TLE4: variants seen among roughly 807,000 people sequenced by gnomAD.
TLE4 encodes transducin-like enhancer protein 4.
Under a neutral mutation model 92.8 loss-of-function variants are expected in TLE4, and 8 were observed. That is an observed-to-expected ratio of 0.09 (90% CI 0.05 to 0.16). The LOEUF is 0.16. Among genes scored for constraint, TLE4 ranks in the 10% least tolerant of loss-of-function variants. The probability of loss-of-function intolerance (pLI) is 1.00; values close to 1 mark genes in which losing one functional copy is unlikely to be tolerated. For missense variants in TLE4, 675 were observed against 997.6 expected, an observed-to-expected ratio of 0.68 and a Z score of 4.36; for synonymous variants, 371 against 374.1, an observed-to-expected ratio of 0.99 and a Z score of 0.10.
chr9:79,616,653 G>A (rs2049693807), intron 5 of TLE4, among the ~76,000 whole-genome samples: 1 of 152,196 alleles, frequency 6.6e-6, no homozygotes, highest in South Asian at 2.1e-4. Flanking sequence ...TTTGGGATAT[G>A]GCTTATAGAC....
At chr9:79,627,518 A>C in intron 6 of TLE4, 70 bp downstream of exon 6, 1 of 1,511,384 alleles carries the variant, frequency 6.6e-7, no homozygotes. Flanking sequence ...CTCTTTTTAC[A>C]TTTTGTTCCG....
intron 17 of TLE4, 71 bp downstream of exon 17, chr9:79,721,959 A>G (rs2075715159): frequency 7.7e-6 from 12 of 1,550,280 alleles, no homozygotes; most frequent in Middle Eastern, 1.7e-4. Context: ...CAGGTCAGGG[A>G]ATCGAGACCA....
chr9:79,719,971 A>T, intron 15 of TLE4, 75 bp from the exon 16 acceptor site: 1 of 1,522,066 alleles, frequency 6.6e-7, no homozygotes, highest in Non-Finnish European at 8.9e-7. Context: ...CAATACTTTT[A>T]TGGATTTCTG....
chr9:79,707,970 T>TA (rs1333392503), intron 11 of TLE4, 148 bp from the exon 12 acceptor site: 11 of 788,086 alleles, frequency 1.4e-5, no homozygotes, highest in Non-Finnish European at 2.2e-5. Context: ...GTTTCTTTGT[T>TA]AACTTTTCTA....
chr9:79,659,740 G>C (rs539127289), intron 8 of TLE4, among the ~76,000 whole-genome samples: 40 of 150,524 alleles, frequency 2.7e-4, no homozygotes, highest in Non-Finnish European at 2.8e-4. Context: ...ACTTTACTTA[G>C]TTAGGGCATG....
At chr9:79,672,926 T>A (rs1405851653) in intron 8 of TLE4, among the ~76,000 whole-genome samples, 8 of 152,124 alleles carry the variant, frequency 5.3e-5, no homozygotes, top group Non-Finnish European at 1.2e-4. Flanking sequence ...CAAGTGCAAG[T>A]GAGGGCAGGT....
intron 8 of TLE4, among the ~76,000 whole-genome samples, chr9:79,669,038 C>G (rs1233323552): frequency 2.6e-5 from 4 of 152,088 alleles, no homozygotes. Context: ...TTAGGCTTCC[C>G]CAGGCTTCAT....
At chr9:79,609,762 A>G (rs1433003280) in intron 4 of TLE4, among the ~76,000 whole-genome samples, 2 of 152,058 alleles carry the variant, frequency 1.3e-5, no homozygotes, top group African/African-American at 2.4e-5. Context: ...CCTAACAGCA[A>G]TATTTCAGAA....
chr9:79,649,465 G>A (rs148024718), intron 6 of TLE4: 84 of 172,066 alleles, frequency 4.9e-4, no homozygotes, highest in Middle Eastern at 2.9e-3. Flanking sequence ...ACTGCCTCAA[G>A]TTCTTTTGAC....
intron 8 of TLE4, among the ~76,000 whole-genome samples, chr9:79,662,279 T>C (rs1399727430): frequency 1.3e-5 from 2 of 152,224 alleles, no homozygotes. Flanking sequence ...TTTAAATTGC[T>C]ACTTTTCAAG....
At chr9:79,594,675 A>G (rs963744159) in intron 4 of TLE4, among the ~76,000 whole-genome samples, 1 of 151,028 alleles carries the variant, frequency 6.6e-6, no homozygotes, top group African/African-American at 2.4e-5. Flanking sequence ...TTCTTCGTTC[A>G]CTCCACTCCG....
intron 8 of TLE4, among the ~76,000 whole-genome samples, chr9:79,660,076 G>A (rs537095051): frequency 6.6e-6 from 1 of 152,308 alleles, no homozygotes; most frequent in South Asian, 2.1e-4. Context: ...TTTTCCTGGT[G>A]TAATTCACCA....
chr9:79,691,266 TG>T (rs1160279722), intron 8 of TLE4, among the ~76,000 whole-genome samples: 7 of 152,090 alleles, frequency 4.6e-5, no homozygotes, highest in Non-Finnish European at 8.8e-5. Flanking sequence ...GCACCAAAAG[TG>T]GTAAAAACTC....
At chr9:79,639,489 A>G (rs1473378411) in intron 6 of TLE4, among the ~76,000 whole-genome samples, 1 of 152,158 alleles carries the variant, frequency 6.6e-6, no homozygotes, top group Non-Finnish European at 1.5e-5. Context: ...AGCAGTGTAG[A>G]GTAATTATAA....
At position 79,578,054 on chromosome 9, in the gene TLE4, A is replaced by G. The variant is rs114586764; in HGVS notation, c.252+1877A>G. 2.9e-3 allele frequency among the ~76,000 whole-genome samples: 444 copies of G among 152,304 alleles called. 2 individuals are homozygous for G. Among genetic ancestry groups the G allele is most frequent in the African/African-American group, 0.01 (420 of 41,570 alleles). ...CAGTTTATCACATTATGAAATACAGACAGCCCTGCAAACCACCTACTTATT... is the reference window on the plus strand; with the variant it reads ...CAGTTTATCACATTATGAAATACAGGCAGCCCTGCAAACCACCTACTTATT... On this transcript the variant is annotated intron_variant, in intron 4 of 19. Coordinates refer to ENST00000376552, the MANE Select transcript of TLE4 (RefSeq NM_007005.6).
chr9:79,611,735 A>G (rs916296040), intron 4 of TLE4, among the ~76,000 whole-genome samples: 2 of 152,008 alleles, frequency 1.3e-5, no homozygotes, highest in African/African-American at 4.8e-5. Flanking sequence ...TACATCACAA[A>G]ATATACAAGG....
At chr9:79,621,610 A>G (rs2051000396) in intron 5 of TLE4, among the ~76,000 whole-genome samples, 3 of 151,996 alleles carry the variant, frequency 2.0e-5, no homozygotes, top group South Asian at 2.1e-4. Context: ...GACAGAGGAG[A>G]TTGATTCATT....
chr9:79,654,601 A>C (rs1333078314), intron 8 of TLE4, among the ~76,000 whole-genome samples: 1 of 151,980 alleles, frequency 6.6e-6, no homozygotes, highest in African/African-American at 2.4e-5. Context: ...TGGTATAACA[A>C]GTTAATTCTC....
intron 4 of TLE4, among the ~76,000 whole-genome samples, chr9:79,582,801 G>A (rs1027452665): frequency 2.6e-5 from 4 of 152,156 alleles, no homozygotes; most frequent in South Asian, 4.2e-4. Context: ...TGACTCCAGC[G>A]TTCCAGCAAT....
Sources: gnomAD v4.1 joint callset for allele counts (sites outside exome capture counted in the v4.1 genomes callset) on GRCh38, gnomAD v4.1.1 for gene constraint, MANE v1.5 for transcripts, NCBI Gene and HGNC (gene_info 2026-07-23, HGNC 2026-07-21) for gene names.